ELMO1: variants seen among roughly 807,000 people sequenced by gnomAD.
ELMO1 encodes engulfment and cell motility protein 1.
Under a neutral mutation model 98.9 loss-of-function variants are expected in ELMO1, and 26 were observed. The observed-to-expected ratio is 0.26, with a 90% CI of 0.19 to 0.36. ELMO1 has a LOEUF of 0.36. Among genes scored for constraint, ELMO1 ranks in the 10% least tolerant of loss-of-function variants. The pLI is 1.00. For synonymous variants in ELMO1, 346 were observed against 346.0 expected (o/e 1.00, Z 0.00); for missense variants, 627 against 935.2 (o/e 0.67, Z 4.30).
At chr7:37,092,792 C>G (rs184507159) in intron 15 of ELMO1, among the ~76,000 whole-genome samples, 26 of 152,242 alleles carry the variant, frequency 1.7e-4, no homozygotes, top group Admixed American at 1.6e-3. Context: ...CGGCTCAGAA[C>G]AGAGAAGAAA....
At chr7:37,365,290 T>C (rs765896806) in intron 1 of ELMO1, among the ~76,000 whole-genome samples, 1 of 152,186 alleles carries the variant, frequency 6.6e-6, no homozygotes, top group Non-Finnish European at 1.5e-5. Flanking sequence ...CACCGATCAA[T>C]TCCCAGGCTG....
chr7:36,910,025 A>G (rs1286186050), intron 16 of ELMO1, among the ~76,000 whole-genome samples: 1 of 152,234 alleles, frequency 6.6e-6, no homozygotes, highest in African/African-American at 2.4e-5. Context: ...TTGCATAGAC[A>G]GCAGGAAACT....
In ELMO1 at chr7:36,870,411, A is replaced by T. The variant is rs1190104514; in HGVS notation, c.1887T>A (p.Gly629=). 6.2e-7 allele frequency: 1 copy of T among 1,614,114 alleles called. No homozygotes were observed. Among genetic ancestry groups the T allele is most frequent in the Non-Finnish European group, 8.5e-7 (1 of 1,179,984 alleles). The part of the protein sequence containing the change: ...GKDCPHMKEK[G]ALKQNKEVLE... ...ATCATACCTTGTTTTGTTTAAGGGC[A>T]CCTTTCTCTTTCATATGAGGGCAGT... is the stretch of plus-strand genomic sequence containing the variant. The change falls in exon 20 of 22, where the codon GGT becomes GGA. Residue 629 remains glycine, a synonymous_variant. Transcript: ENST00000310758. The surrounding 1 kb of genome is among the most constrained non-coding windows in gnomAD (Gnocchi z 4.4).
Position 37,211,376 on chromosome 7 carries a change from G to T in ELMO1, c.1086+10C>A, listed in dbSNP as rs1217215619. ...GGAGGGAGAGCGCATACTGGAGATA[G>T]CTTACTTACAATGAACCCAAGCTTC... On this transcript the variant is annotated intron_variant, in intron 13 of 21. Transcript: ENST00000310758. The T allele has an allele frequency of 3.7e-6, 6 of 1,613,780 alleles. No individual in the cohort carries two copies. Among genetic ancestry groups the T allele is most frequent in the Non-Finnish European group, 5.1e-6 (6 of 1,179,858 alleles).
intron 1 of ELMO1, among the ~76,000 whole-genome samples, chr7:37,370,110 C>T (rs530204489): frequency 2.6e-5 from 4 of 152,318 alleles, no homozygotes; most frequent in South Asian, 2.1e-4. Context: ...AGTCAGCCTC[C>T]GCCTCTGCTC....
chr7:37,076,778 G>A (rs1308255065), intron 15 of ELMO1, among the ~76,000 whole-genome samples: 1 of 152,150 alleles, frequency 6.6e-6, no homozygotes, highest in Non-Finnish European at 1.5e-5. Context: ...TCATCCTGAG[G>A]GTGCACAACG....
At chr7:37,156,587 C>A (rs760994410) in intron 13 of ELMO1, among the ~76,000 whole-genome samples, 2 of 152,136 alleles carry the variant, frequency 1.3e-5, no homozygotes, top group African/African-American at 2.4e-5. Flanking sequence ...TGGATAAATT[C>A]GTGGACACAT....
At chr7:37,330,583 A>G (rs1479095773) in intron 2 of ELMO1, among the ~76,000 whole-genome samples, 2 of 152,150 alleles carry the variant, frequency 1.3e-5, no homozygotes, top group Non-Finnish European at 1.5e-5. Flanking sequence ...GTTTCTCTTC[A>G]TATCTTCCAC....
In ELMO1 at chr7:37,213,362, C is replaced by T; in HGVS notation, c.927G>A (p.Met309Ile). 1 of 1,612,970 alleles carries T rather than the reference C, an allele frequency of 6.2e-7. No individual in the cohort carries two copies. The highest frequency in any genetic ancestry group is 8.5e-7 in the Non-Finnish European group (1 of 1,179,718). Residue 309 changes from methionine (M) to isoleucine (I), a missense_variant, in exon 12 of 22, where the codon ATG becomes ATA. Transcript: ENST00000310758. ...VLTFNLLEDR[M>I]MTKMDPQDQA... is the part of the protein sequence containing the mutation. ...GGTCCTGGGGGTCCATTTTGGTCAT[C>T]ATCCTGTCTTCCAGGAGGTTAAAGG... is the stretch of plus-strand genomic sequence containing the variant.
At chr7:37,251,301 G>A (rs1038186596) in intron 6 of ELMO1, among the ~76,000 whole-genome samples, 1 of 152,090 alleles carries the variant, frequency 6.6e-6, no homozygotes, top group African/African-American at 2.4e-5. Flanking sequence ...TTTCCCCACA[G>A]CTGTATTTGC....
chr7:36,973,577 G>C (rs752442193), intron 16 of ELMO1, among the ~76,000 whole-genome samples: 1 of 152,092 alleles, frequency 6.6e-6, no homozygotes, highest in South Asian at 2.1e-4. Context: ...AGGTGACAGC[G>C]TGCTGGCAGT....
chr7:36,886,655 GGA>G (rs1473990343), intron 18 of ELMO1, among the ~76,000 whole-genome samples: 1 of 152,140 alleles, frequency 6.6e-6, no homozygotes, highest in Non-Finnish European at 1.5e-5. Context: ...TTTGCTTCTA[GGA>G]GAGTGTGGTA....
chr7:36,930,617 G>A (rs1785960444), intron 16 of ELMO1, among the ~76,000 whole-genome samples: 1 of 152,180 alleles, frequency 6.6e-6, no homozygotes, highest in African/African-American at 2.4e-5. Context: ...TACCCTCTAA[G>A]ATAGGATAAA....
At chr7:36,955,107 C>T (rs1788336288) in intron 16 of ELMO1, among the ~76,000 whole-genome samples, 1 of 152,158 alleles carries the variant, frequency 6.6e-6, no homozygotes, top group African/African-American at 2.4e-5. Flanking sequence ...ATCTTATGAG[C>T]CTCAGAATAG....
intron 1 of ELMO1, chr7:37,343,173 C>A (rs2700990): frequency 0.21 from 32,097 of 156,102 alleles, 3,588 homozygotes; most frequent in Middle Eastern, 0.32. Context: ...CCCAGGAAGT[C>A]ATGGTCAGGA....
intron 1 of ELMO1, among the ~76,000 whole-genome samples, chr7:37,418,075 A>G (rs1804305009): frequency 6.6e-6 from 1 of 152,132 alleles, no homozygotes; most frequent in African/African-American, 2.4e-5. Context: ...TAAGCCACCC[A>G]GTTCATCAAA....
chr7:37,331,190 GAC>G (rs1374124347), intron 2 of ELMO1, among the ~76,000 whole-genome samples: 1 of 130,790 alleles, frequency 7.6e-6, no homozygotes, highest in African/African-American at 2.7e-5. Context: ...TTTTTTTGGA[GAC>G]ACAGTCTCGC....
At chr7:37,291,141 AG>A (rs1425203799) in intron 4 of ELMO1, among the ~76,000 whole-genome samples, 1 of 152,220 alleles carries the variant, frequency 6.6e-6, no homozygotes, top group Non-Finnish European at 1.5e-5. Flanking sequence ...TGCAATAAAC[AG>A]TGGTAAGACA....
In ELMO1 at chr7:36,870,414, T is replaced by C; in HGVS notation, c.1884A>G (p.Lys628=). 1 of 1,614,150 alleles carries C rather than the reference T, an allele frequency of 6.2e-7. No individual in the cohort carries two copies. Among genetic ancestry groups the C allele is most frequent in the Non-Finnish European group, 8.5e-7 (1 of 1,179,996 alleles). The change falls in exon 20 of 22, where the codon AAA becomes AAG. Residue 628 remains lysine (K), a synonymous_variant. Transcript: ENST00000310758. The surrounding 1 kb of genome is among the most constrained non-coding windows in gnomAD (Gnocchi z 4.4). ...TGKDCPHMKE[K]GALKQNKEVL... is the part of the protein sequence containing the mutation. ...ATACCTTGTTTTGTTTAAGGGCACC[T>C]TTCTCTTTCATATGAGGGCAGTCCT...
Sources: allele counts gnomAD v4.1 joint callset (sites outside exome capture counted in the v4.1 genomes callset), GRCh38; gene constraint gnomAD v4.1.1; non-coding constraint Gnocchi (gnomAD v3.1); transcripts MANE v1.5; gene names NCBI Gene and HGNC (gene_info 2026-07-23, HGNC 2026-07-21).